Variants in SEMA3A observed in about 807,000 individuals in gnomAD.
SEMA3A encodes semaphorin-3A.
A neutral mutation model predicts 97.9 loss-of-function variants in SEMA3A; 29 were observed. That is an observed-to-expected ratio of 0.30 (90% CI 0.22 to 0.40). The LOEUF (loss-of-function observed/expected upper bound fraction) is 0.40, where lower values mean the gene tolerates loss of function less well. Ranked by LOEUF, SEMA3A falls within the 10% of genes least tolerant of loss-of-function variation. SEMA3A has a pLI of 1.00. For missense variants in SEMA3A, 763 were observed against 951.3 expected (o/e 0.80, Z 2.60); for synonymous variants, 321 against 323.7 (o/e 0.99, Z 0.09).
intron 4 of SEMA3A, among the ~76,000 whole-genome samples, chr7:84,106,127 T>G (rs1221087772): frequency 6.6e-6 from 1 of 152,160 alleles, no homozygotes; most frequent in Non-Finnish European, 1.5e-5. Flanking sequence ...AAAGTAGATT[T>G]TGGAATACGC....
At chr7:84,217,914 C>T (rs975673221) in intron 3 of SEMA3A, among the ~76,000 whole-genome samples, 1 of 151,876 alleles carries the variant, frequency 6.6e-6, no homozygotes, top group Admixed American at 6.6e-5. Flanking sequence ...GACGCCATCT[C>T]TACAAAAAAT....
intron 3 of SEMA3A, among the ~76,000 whole-genome samples, chr7:84,249,501 G>T (rs543840666): frequency 6.6e-6 from 1 of 151,710 alleles, no homozygotes; most frequent in Admixed American, 6.6e-5. Flanking sequence ...TGGCTTTCCT[G>T]TTCCCCATGG....
At chr7:84,469,757 G>C (rs576313103) in intron 1 of SEMA3A, among the ~76,000 whole-genome samples, 14 of 152,108 alleles carry the variant, frequency 9.2e-5, no homozygotes, top group Middle Eastern at 3.4e-3. Context: ...ATTTACTTTA[G>C]TTTACAAAAT....
intron 1 of SEMA3A, among the ~76,000 whole-genome samples, chr7:84,171,566 A>G (rs1215635900): frequency 6.6e-6 from 1 of 152,184 alleles, no homozygotes; most frequent in African/African-American, 2.4e-5. Context: ...TCAATTTAGA[A>G]TAATATGCAA....
chr7:84,160,204 T>A (rs7789995), intron 1 of SEMA3A, among the ~76,000 whole-genome samples: 138,503 of 151,934 alleles, frequency 0.91, 63,255 homozygotes, highest in African/African-American at 0.97. Flanking sequence ...TTAGTGAGAT[T>A]AAAAAAAACT....
chr7:84,003,533 A>AGAC (rs1790544456), intron 11 of SEMA3A, among the ~76,000 whole-genome samples: 1 of 152,142 alleles, frequency 6.6e-6, no homozygotes, highest in South Asian at 2.1e-4. Flanking sequence ...CCACATCATC[A>AGAC]GACATTCAAC....
At chr7:84,016,647 C>T (rs1791118233) in intron 6 of SEMA3A, among the ~76,000 whole-genome samples, 1 of 152,082 alleles carries the variant, frequency 6.6e-6, no homozygotes, top group Non-Finnish European at 1.5e-5. Context: ...AGCTCAGATG[C>T]ATACTTTTCA....
intron 3 of SEMA3A, among the ~76,000 whole-genome samples, chr7:84,114,410 G>A (rs1005661916): frequency 1.3e-5 from 2 of 152,040 alleles, no homozygotes; most frequent in African/African-American, 4.8e-5. Flanking sequence ...AAATGAATGG[G>A]TAGCATATAA....
intron 3 of SEMA3A, among the ~76,000 whole-genome samples, chr7:84,203,504 A>G (rs186547772): frequency 0.019 from 1,014 of 53,150 alleles, 21 homozygotes; most frequent in African/African-American, 0.069. Context: ...GTGTGTGTGT[A>G]TATATATATA....
At chr7:84,453,461 C>A (rs1412355618) in intron 1 of SEMA3A, among the ~76,000 whole-genome samples, 1 of 152,006 alleles carries the variant, frequency 6.6e-6, no homozygotes, top group Non-Finnish European at 1.5e-5. Context: ...TGGTCTCGAT[C>A]TCCTGACCTC....
At chr7:83,970,950 G>A (rs1390591350) in intron 15 of SEMA3A, among the ~76,000 whole-genome samples, 1 of 152,104 alleles carries the variant, frequency 6.6e-6, no homozygotes, top group Non-Finnish European at 1.5e-5. Context: ...ATGATTTTCT[G>A]CAGAAATACA....
intron 1 of SEMA3A, among the ~76,000 whole-genome samples, chr7:84,176,227 G>C (rs1163017481): frequency 1.3e-5 from 2 of 152,122 alleles, no homozygotes; most frequent in African/African-American, 2.4e-5. Flanking sequence ...TCTGTGGTAT[G>C]CTGTAAATTG....
At chr7:84,026,047 C>A (rs1325858140) in intron 6 of SEMA3A, among the ~76,000 whole-genome samples, 2 of 152,176 alleles carry the variant, frequency 1.3e-5, no homozygotes, top group Non-Finnish European at 2.9e-5. Context: ...TCTAGCACTA[C>A]AAAATAAGTC....
intron 5 of SEMA3A, among the ~76,000 whole-genome samples, chr7:84,057,467 A>G (rs1387867591): frequency 6.6e-6 from 1 of 152,112 alleles, no homozygotes; most frequent in Non-Finnish European, 1.5e-5. Context: ...ATGAAATAAG[A>G]AAGAGTAAAA....
chr7:84,149,587 G>T (rs1432357894), intron 1 of SEMA3A, among the ~76,000 whole-genome samples: 1 of 152,178 alleles, frequency 6.6e-6, no homozygotes, highest in African/African-American at 2.4e-5. Flanking sequence ...GTCAAATTCA[G>T]AACAAGATTT....
chr7:84,144,108 G>A (rs1796396175), intron 1 of SEMA3A, among the ~76,000 whole-genome samples: 1 of 151,766 alleles, frequency 6.6e-6, no homozygotes. Context: ...TGTTTCTGAT[G>A]GGGCTTCATG....
At chr7:84,398,337 C>A (rs1803795005) in intron 1 of SEMA3A, among the ~76,000 whole-genome samples, 1 of 152,044 alleles carries the variant, frequency 6.6e-6, no homozygotes, top group Non-Finnish European at 1.5e-5. Context: ...GGTGCTTTTT[C>A]TTAGTTTTTG....
At chr7:84,306,774 G>A (rs1289504148) in intron 3 of SEMA3A, among the ~76,000 whole-genome samples, 1 of 152,102 alleles carries the variant, frequency 6.6e-6, no homozygotes, top group Admixed American at 6.6e-5. Context: ...GTGGCACTCA[G>A]CCTTTGAGTG....
At chr7:84,386,711 C>A (rs889773717) in intron 1 of SEMA3A, among the ~76,000 whole-genome samples, 11 of 151,974 alleles carry the variant, frequency 7.2e-5, no homozygotes, top group African/African-American at 2.4e-4. Context: ...CTTAAGAGTG[C>A]AGGTTCTTTT....
Sources: allele counts gnomAD v4.1 joint callset (sites outside exome capture counted in the v4.1 genomes callset), GRCh38; gene constraint gnomAD v4.1.1; transcripts MANE v1.5; gene names NCBI Gene and HGNC (gene_info 2026-07-23, HGNC 2026-07-21).